The following ARPC2 variants were observed in gnomAD, a reference collection of about 807,000 sequenced individuals.
ARPC2 encodes actin-related protein 2/3 complex subunit 2.
A neutral mutation model predicts 38.6 loss-of-function variants in ARPC2; 4 were observed. The ratio of observed to expected loss-of-function variants is 0.10; its 90% CI spans 0.05 to 0.24. The LOEUF is 0.24. Ranked by LOEUF, ARPC2 falls within the 10% of genes least tolerant of loss-of-function variation. The probability of loss-of-function intolerance (pLI) is 1.00; values close to 1 mark genes in which losing one functional copy is unlikely to be tolerated. For synonymous variants in ARPC2, 125 were observed against 140.8 expected, an observed-to-expected ratio of 0.89 and a Z score of 0.79; for missense variants, 229 against 387.3, an observed-to-expected ratio of 0.59 and a Z score of 3.43.
At chr2:218,226,837 T>G (rs77860488) in intron 3 of ARPC2, among the ~76,000 whole-genome samples, 4,724 of 151,984 alleles carry the variant, frequency 0.031, 77 homozygotes, top group African/African-American at 0.034. Context: ...AATTTGGAAA[T>G]ATTACATTAT....
At chr2:218,228,612 A>T (rs1004551186) in intron 3 of ARPC2, 126 bp from the exon 4 acceptor site, 2 of 530,872 alleles carry the variant, frequency 3.8e-6, no homozygotes, top group African/African-American at 3.9e-5. Flanking sequence ...GATTTAAAAT[A>T]AGTTCCATTT....
intron 4 of ARPC2, among the ~76,000 whole-genome samples, chr2:218,232,665 G>A (rs2106149858): frequency 6.6e-6 from 1 of 151,074 alleles, no homozygotes; most frequent in East Asian, 2.0e-4. Context: ...TGCCTCCCGG[G>A]TTCACGCCAT....
intron 2 of ARPC2, among the ~76,000 whole-genome samples, chr2:218,220,367 A>C (rs1257099699): frequency 1.3e-5 from 2 of 152,204 alleles, no homozygotes; most frequent in African/African-American, 4.8e-5. Context: ...GGCTAAATTT[A>C]AGTAAAAATT....
chr2:218,226,066 A>G, intron 3 of ARPC2, 112 bp downstream of exon 3: 1 of 1,041,168 alleles, frequency 9.6e-7, no homozygotes. Context: ...AGTCCGAGGC[A>G]GGTGGATCAC....
intron 10 of ARPC2, chr2:218,252,854 G>C: frequency 4.4e-6 from 2 of 455,742 alleles, no homozygotes; most frequent in Non-Finnish European, 4.4e-6. Context: ...GAGAGACCCA[G>C]GAAGGGATGA....
chr2:218,237,796 G>C (rs749470263), intron 5 of ARPC2, among the ~76,000 whole-genome samples: 119 of 152,178 alleles, frequency 7.8e-4, no homozygotes, highest in Admixed American at 1.4e-3. Flanking sequence ...CAAAACTCCT[G>C]ACCTCAGGTG....
At chr2:218,247,309 T>C (rs1040253744) in intron 8 of ARPC2, among the ~76,000 whole-genome samples, 1 of 152,208 alleles carries the variant, frequency 6.6e-6, no homozygotes, top group Non-Finnish European at 1.5e-5. Flanking sequence ...TGGCTGATTA[T>C]GATAGCTTAC....
chr2:218,218,283 A>G (rs1388352049), intron 2 of ARPC2, among the ~76,000 whole-genome samples: 1 of 152,198 alleles, frequency 6.6e-6, no homozygotes. Context: ...TCAAGACCCT[A>G]GGTCTGTGAT....
chr2:218,247,062 C>T (rs944621156), intron 8 of ARPC2, among the ~76,000 whole-genome samples: 6 of 151,962 alleles, frequency 3.9e-5, no homozygotes, highest in African/African-American at 1.5e-4. Flanking sequence ...GAGGTAGAGG[C>T]TGCAGTGAGC....
chr2:218,234,509 G>T lies in ARPC2; in HGVS notation c.268+112G>T. On this transcript the variant is annotated intron_variant, in intron 5 of 10. Transcript: ENST00000315717. Reference sequence around the variant, plus strand: ...TTTAAATATTATTACAAATATTTCTGCATGAGCCCATTCCTAATTTCAACT... The same window carrying T: ...TTTAAATATTATTACAAATATTTCTTCATGAGCCCATTCCTAATTTCAACT... 3 of 897,832 alleles carry T rather than the reference G, an allele frequency of 3.3e-6. No homozygotes were observed. In the South Asian group the frequency reaches 5.0e-5, roughly 15 times the overall value. 55.6% of individuals were successfully genotyped at this position (897,832 alleles called of 1,614,324 possible).
intron 10 of ARPC2, among the ~76,000 whole-genome samples, chr2:218,250,884 G>A (rs1690172589): frequency 6.6e-6 from 1 of 151,850 alleles, no homozygotes; most frequent in African/African-American, 2.4e-5. Context: ...GGGGTGTTGG[G>A]GGAGACAGAG....
In ARPC2 at chr2:218,250,680, A is replaced by AT. The variant is rs896651855; in HGVS notation, c.878+762dup. Among the ~76,000 whole-genome samples, 17 of 150,862 alleles carry AT rather than the reference A, an allele frequency of 1.1e-4. No individual in the cohort carries two copies. In the East Asian group the frequency reaches 2.5e-3, roughly 23 times the overall value. On this transcript the variant is annotated intron_variant, in intron 10 of 10. Transcript: ENST00000315717. ...CTTAGTCTCAAAAAAAAAAAAAAAA[A>AT]TTTGAGGAGAGCCCTAAATAGGGGT...
intron 7 of ARPC2, among the ~76,000 whole-genome samples, chr2:218,243,298 T>G (rs2106156373): frequency 6.6e-6 from 1 of 152,336 alleles, no homozygotes; most frequent in South Asian, 2.1e-4. Flanking sequence ...AAATAGTACT[T>G]TGGAAGAGAG....
At chr2:218,236,119 TCTC>T (rs1689763547) in intron 5 of ARPC2, 2 of 151,654 alleles carry the variant, frequency 1.3e-5, no homozygotes, top group East Asian at 3.9e-4. Context: ...CCGTAGAGTC[TCTC>T]CTCCTCTTTT....
At chr2:218,239,577 C>A in intron 7 of ARPC2, 93 bp downstream of exon 7, 1 of 1,018,228 alleles carries the variant, frequency 9.8e-7, no homozygotes, top group Non-Finnish European at 1.5e-6. Context: ...GATCTAGCAA[C>A]TCTACTGATG....
At chr2:218,250,022 GCTACA>G in intron 10 of ARPC2, 101 bp downstream of exon 10, 1 of 1,024,460 alleles carries the variant, frequency 9.8e-7, no homozygotes, top group Non-Finnish European at 1.4e-6. Context: ...CTGGGCACTG[GCTACA>G]TATGAGGTCA....
At chr2:218,239,115 T>G (rs1689848502) in intron 6 of ARPC2, 2 of 569,036 alleles carry the variant, frequency 3.5e-6, no homozygotes, top group Non-Finnish European at 6.2e-6. Context: ...TTTAAGAGTA[T>G]AGCCTGGATA....
At chr2:218,246,517 G>A (rs1690036027) in intron 8 of ARPC2, among the ~76,000 whole-genome samples, 1 of 152,080 alleles carries the variant, frequency 6.6e-6, no homozygotes. Context: ...ATGACAGAGT[G>A]AGACCTTGTC....
chr2:218,252,744 A>G (rs1286276620), intron 10 of ARPC2, among the ~76,000 whole-genome samples: 1 of 152,186 alleles, frequency 6.6e-6, no homozygotes, highest in Non-Finnish European at 1.5e-5. Context: ...AAGGCCTGTT[A>G]GGCAGCTGCT....
Sources: gnomAD v4.1 joint callset for allele counts (sites outside exome capture counted in the v4.1 genomes callset) on GRCh38, gnomAD v4.1.1 for gene constraint, MANE v1.5 for transcripts, NCBI Gene and HGNC (gene_info 2026-07-23, HGNC 2026-07-21) for gene names.